Variants in DPY19L1 observed in about 807,000 individuals in gnomAD.
The protein encoded by DPY19L1 is dpy-19 like C-mannosyltransferase 1, also known as protein C-mannosyl-transferase DPY19L1.
In DPY19L1, 35 loss-of-function variants were observed where a neutral mutation model predicts 96.9. The ratio of observed to expected loss-of-function variants is 0.36; its 90% CI spans 0.28 to 0.48. DPY19L1 has a LOEUF of 0.48. Ranked by LOEUF, DPY19L1 falls within the 20% of genes least tolerant of loss-of-function variation. The pLI is 0.99. For synonymous variants in DPY19L1, 205 were observed against 252.6 expected, an observed-to-expected ratio of 0.81 and a Z score of 1.79; for missense variants, 521 against 777.9, an observed-to-expected ratio of 0.67 and a Z score of 3.93.
At chr7:35,011,841 A>C (rs1356896454) in intron 4 of DPY19L1, among the ~76,000 whole-genome samples, 4 of 152,270 alleles carry the variant, frequency 2.6e-5, no homozygotes. Flanking sequence ...TCCAGTCAAA[A>C]TTCCAAGTGT....
intron 6 of DPY19L1, among the ~76,000 whole-genome samples, chr7:34,994,355 C>T (rs1479776813): frequency 6.6e-6 from 1 of 151,358 alleles, no homozygotes; most frequent in South Asian, 2.1e-4. Context: ...ACCTAAAACA[C>T]GAAAGATGAG....
chr7:34,960,196 T>G (rs1208616640), intron 10 of DPY19L1, among the ~76,000 whole-genome samples: 1 of 151,638 alleles, frequency 6.6e-6, no homozygotes, highest in Admixed American at 6.6e-5. Flanking sequence ...CAGAATCAAC[T>G]TATTAAGCTT....
chr7:35,031,185 T>G (rs1190544059), intron 1 of DPY19L1, among the ~76,000 whole-genome samples: 5 of 152,218 alleles, frequency 3.3e-5, no homozygotes, highest in African/African-American at 7.2e-5. Context: ...GTTCCACATC[T>G]GCAGATTCAA....
intron 6 of DPY19L1, chr7:35,000,601 T>C (rs972397738): frequency 1.3e-5 from 2 of 152,074 alleles, no homozygotes; most frequent in African/African-American, 4.8e-5. Flanking sequence ...TCCTGAAAAA[T>C]GGCAATATTA....
At chr7:34,961,743 T>C (rs185617997) in intron 10 of DPY19L1, among the ~76,000 whole-genome samples, 3 of 152,164 alleles carry the variant, frequency 2.0e-5, no homozygotes, top group African/African-American at 7.2e-5. Context: ...GGGACTGTTA[T>C]CAAAAATATA....
chr7:34,959,710 G>C (rs954005762), intron 10 of DPY19L1, among the ~76,000 whole-genome samples: 5 of 148,324 alleles, frequency 3.4e-5, no homozygotes, highest in Admixed American at 6.8e-5. Context: ...ATCAGGGACT[G>C]TTGGGGGCTG....
intron 1 of DPY19L1, among the ~76,000 whole-genome samples, chr7:35,020,297 G>C (rs1359681517): frequency 6.6e-6 from 1 of 152,188 alleles, no homozygotes; most frequent in African/African-American, 2.4e-5. Flanking sequence ...TAATCACTCT[G>C]AGGTTATAAT....
chr7:34,961,047 T>C (rs1167343551), intron 10 of DPY19L1, among the ~76,000 whole-genome samples: 2 of 152,182 alleles, frequency 1.3e-5, no homozygotes, highest in Non-Finnish European at 2.9e-5. Context: ...GAAGTGTTAT[T>C]CCATGTACAG....
chr7:34,935,086 T>C (rs557750052), intron 21 of DPY19L1, among the ~76,000 whole-genome samples: 30 of 152,324 alleles, frequency 2.0e-4, no homozygotes, highest in Admixed American at 1.6e-3. Flanking sequence ...TATGATCATA[T>C]GGCTGGGCAT....
intron 19 of DPY19L1, among the ~76,000 whole-genome samples, 160 bp downstream of exon 19, chr7:34,939,993 G>C (rs1269398806): frequency 6.6e-6 from 1 of 152,114 alleles, no homozygotes; most frequent in African/African-American, 2.4e-5. Flanking sequence ...ATTTAAACAG[G>C]ATTGATATCT....
chr7:35,033,653 C>T (rs1786317138), intron 1 of DPY19L1, among the ~76,000 whole-genome samples: 1 of 152,116 alleles, frequency 6.6e-6, no homozygotes, highest in African/African-American at 2.4e-5. Context: ...TATGGCTATG[C>T]TGCTTCTACC....
intron 4 of DPY19L1, among the ~76,000 whole-genome samples, chr7:35,012,163 G>C (rs1785727388): frequency 6.6e-6 from 1 of 152,220 alleles, no homozygotes; most frequent in Non-Finnish European, 1.5e-5. Flanking sequence ...ATCTGCATCT[G>C]ATGACCGACT....
At chr7:34,973,897 C>G (rs1784780265) in intron 7 of DPY19L1, among the ~76,000 whole-genome samples, 1 of 152,122 alleles carries the variant, frequency 6.6e-6, no homozygotes, top group African/African-American at 2.4e-5. Context: ...AAAGTACCAG[C>G]AAGAAAACGT....
At chr7:34,988,714 A>G (rs1398436712) in intron 7 of DPY19L1, among the ~76,000 whole-genome samples, 2 of 152,190 alleles carry the variant, frequency 1.3e-5, no homozygotes, top group African/African-American at 2.4e-5. Context: ...ACACAAAGCA[A>G]GCTGACCTTT....
chr7:35,036,379 A>C (rs1382346632), intron 1 of DPY19L1, among the ~76,000 whole-genome samples: 1 of 152,170 alleles, frequency 6.6e-6, no homozygotes, highest in Middle Eastern at 3.2e-3. Flanking sequence ...AGGAAACCTG[A>C]AGTCAGTCCG....
intron 6 of DPY19L1, among the ~76,000 whole-genome samples, chr7:34,991,482 G>T (rs1052577024): frequency 1.3e-5 from 2 of 152,134 alleles, no homozygotes; most frequent in Non-Finnish European, 2.9e-5. Flanking sequence ...TGGACGCCAG[G>T]GTTCTCTCCT....
At chr7:35,003,590 T>C (rs1785482199) in intron 6 of DPY19L1, among the ~76,000 whole-genome samples, 1 of 152,170 alleles carries the variant, frequency 6.6e-6, no homozygotes, top group Admixed American at 6.5e-5. Flanking sequence ...CTTCCCCTCA[T>C]GATATTTCTG....
intron 10 of DPY19L1, among the ~76,000 whole-genome samples, chr7:34,964,473 T>C (rs1274555870): frequency 3.9e-5 from 6 of 152,172 alleles, no homozygotes; most frequent in South Asian, 4.1e-4. Context: ...AACTCATTCA[T>C]GAACAAGGAT....
chr7:34,948,247 C>T (rs1784193402), intron 14 of DPY19L1, among the ~76,000 whole-genome samples: 1 of 152,068 alleles, frequency 6.6e-6, no homozygotes, highest in South Asian at 2.1e-4. Flanking sequence ...TCTCTCCACC[C>T]AAAAAACCAC....
Sources: allele counts gnomAD v4.1 joint callset (sites outside exome capture counted in the v4.1 genomes callset), GRCh38; gene constraint gnomAD v4.1.1; transcripts MANE v1.5; gene names NCBI Gene and HGNC (gene_info 2026-07-23, HGNC 2026-07-21).